The following CDH13 variants were observed in gnomAD, a reference collection of about 807,000 sequenced individuals.
CDH13 encodes the protein cadherin 13, also known as cadherin-13.
In CDH13, 24 loss-of-function variants were observed where a neutral mutation model predicts 63.8. That is an observed-to-expected ratio of 0.38 (90% CI 0.27 to 0.53). The LOEUF (loss-of-function observed/expected upper bound fraction) is 0.53. Ranked by LOEUF, CDH13 falls within the 20% of genes least tolerant of loss-of-function variation. The pLI is 0.85. For missense variants in CDH13, 1,049 were observed against 903.1 expected (o/e 1.16, Z -2.07); for synonymous variants, 503 against 355.3 (o/e 1.42, Z -4.67).
intron 5 of CDH13, among the ~76,000 whole-genome samples, chr16:83,293,345 G>A (rs1356176418): frequency 6.6e-6 from 1 of 152,108 alleles, no homozygotes; most frequent in East Asian, 1.9e-4. Flanking sequence ...GCCTTCTGGG[G>A]TCCTTGCTCT....
intron 6 of CDH13, among the ~76,000 whole-genome samples, chr16:83,433,293 T>G (rs1394011603): frequency 1.3e-5 from 2 of 152,224 alleles, no homozygotes; most frequent in Non-Finnish European, 2.9e-5. Flanking sequence ...TTTCCTCAAC[T>G]GTAAAATGAG....
At chr16:83,672,803 G>A (rs1446388961) in intron 9 of CDH13, among the ~76,000 whole-genome samples, 1 of 152,172 alleles carries the variant, frequency 6.6e-6, no homozygotes. Context: ...CAGGATATGT[G>A]ATGGAGATGT....
intron 3 of CDH13, among the ~76,000 whole-genome samples, chr16:83,082,884 C>T (rs1236195763): frequency 2.6e-5 from 4 of 152,268 alleles, no homozygotes; most frequent in Middle Eastern, 3.4e-3. Flanking sequence ...TGAATTCGCA[C>T]GTTTGTTTTT....
intron 10 of CDH13, among the ~76,000 whole-genome samples, chr16:83,699,815 C>G (rs973353733): frequency 6.6e-6 from 1 of 152,172 alleles, no homozygotes; most frequent in African/African-American, 2.4e-5. Flanking sequence ...GCATCCCATC[C>G]GTCTGTATTT....
At chr16:83,726,591 T>G (rs969699063) in intron 10 of CDH13, among the ~76,000 whole-genome samples, 1 of 152,112 alleles carries the variant, frequency 6.6e-6, no homozygotes, top group Admixed American at 6.5e-5. Flanking sequence ...ATCCCGGCCC[T>G]TTGGGAGGCC....
intron 8 of CDH13, among the ~76,000 whole-genome samples, chr16:83,659,435 C>G (rs974166407): frequency 6.6e-6 from 1 of 152,266 alleles, no homozygotes; most frequent in African/African-American, 2.4e-5. Flanking sequence ...GGTCCCAACA[C>G]AAGTTAGAAT....
At chr16:83,717,301 A>G (rs908780491) in intron 10 of CDH13, among the ~76,000 whole-genome samples, 1 of 152,032 alleles carries the variant, frequency 6.6e-6, no homozygotes, top group Non-Finnish European at 1.5e-5. Flanking sequence ...GAAGACTTGT[A>G]GTGATTGCTT....
intron 2 of CDH13, among the ~76,000 whole-genome samples, chr16:82,883,469 G>C (rs1260259940): frequency 6.6e-6 from 1 of 152,156 alleles, no homozygotes; most frequent in Non-Finnish European, 1.5e-5. Flanking sequence ...GATCAGGCTG[G>C]AACACAGGAA....
intron 1 of CDH13, among the ~76,000 whole-genome samples, chr16:82,683,001 G>C (rs990828659): frequency 1.3e-5 from 2 of 152,176 alleles, no homozygotes; most frequent in Non-Finnish European, 2.9e-5. Flanking sequence ...TCGGGTTCAA[G>C]TTCCAGCCCC....
intron 3 of CDH13, among the ~76,000 whole-genome samples, chr16:83,041,660 G>C (rs1050922403): frequency 4.6e-5 from 7 of 152,158 alleles, no homozygotes; most frequent in African/African-American, 1.7e-4. Flanking sequence ...ACATTCATGG[G>C]GATATTTAGC....
intron 3 of CDH13, among the ~76,000 whole-genome samples, chr16:83,070,979 T>A (rs1429764668): frequency 6.6e-6 from 1 of 151,562 alleles, no homozygotes; most frequent in African/African-American, 2.4e-5. Context: ...GAGGTCATGA[T>A]AGCACCGTCT....
chr16:83,743,748 C>CTTTTTTTTTTTTTTTTTTTTTT lies in CDH13; in HGVS notation c.1539-4341_1539-4340insTTTTTTTTTTTTTTTTTTTTTT, dbSNP rs67886035. Among the ~76,000 whole-genome samples the CTTTTTTTTTTTTTTTTTTTTTT allele has an allele frequency of 2.7e-3, 207 of 76,266 alleles. 28 individuals carry two copies. Among genetic ancestry groups the CTTTTTTTTTTTTTTTTTTTTTT allele is most frequent in the Middle Eastern group, 0.02 (1 of 50 alleles). The allele number at this position is 76,266 out of a possible 152,430, so 50.0% of individuals were successfully genotyped here. ...TGATGAGTTGCCTTTTTTCTTTTTT[C>CTTTTTTTTTTTTTTTTTTTTTT]TTTTTTTTTTTTTTTTTTTCTTTGC... On this transcript the variant is annotated intron_variant, in intron 10 of 13. Coordinates refer to ENST00000567109, the MANE Select transcript of CDH13 (RefSeq NM_001257.5).
intron 3 of CDH13, among the ~76,000 whole-genome samples, chr16:83,042,590 C>T (rs1917421211): frequency 6.6e-6 from 1 of 152,164 alleles, no homozygotes; most frequent in African/African-American, 2.4e-5. Flanking sequence ...GCACTTGAAT[C>T]ATCCCAAAAC....
intron 1 of CDH13, among the ~76,000 whole-genome samples, chr16:82,656,184 G>A (rs1327822461): frequency 1.3e-5 from 2 of 152,144 alleles, no homozygotes; most frequent in Non-Finnish European, 2.9e-5. Context: ...AAAGCTGGCA[G>A]TGTGGGAGTG....
At chr16:82,691,674 A>G (rs1396394710) in intron 1 of CDH13, among the ~76,000 whole-genome samples, 1 of 152,206 alleles carries the variant, frequency 6.6e-6, no homozygotes, top group Non-Finnish European at 1.5e-5. Context: ...AGGGATGGTG[A>G]CTTCCAGAAG....
Position 83,797,091 on chromosome 16 carries a change from G to T in CDH13, c.*2061G>T, listed in dbSNP as rs535483165. ...CTGGCTTTACAGGGCACTGTCACGC[G>T]TCTCCCGGGCGCACCTTGCTCCCCT... On this transcript the variant is annotated 3_prime_UTR_variant, in exon 14 of 14. Coordinates refer to ENST00000567109, the MANE Select transcript of CDH13 (RefSeq NM_001257.5). The T allele has an allele frequency of 1.0e-3, 159 of 152,336 alleles. No individual in the cohort carries two copies. Among genetic ancestry groups the T allele is most frequent in the African/African-American group, 3.6e-3 (151 of 41,554 alleles). The allele number at this position is 152,336 out of a possible 1,614,324, so 9.4% of individuals were successfully genotyped here. A position where few individuals can be genotyped will look rare whatever the true frequency, so the allele number is the denominator to read the frequency against.
intron 6 of CDH13, among the ~76,000 whole-genome samples, chr16:83,410,857 A>G (rs540946332): frequency 2.6e-5 from 4 of 152,324 alleles, no homozygotes; most frequent in African/African-American, 9.6e-5. Context: ...AAATTTAGTC[A>G]TCCAAATCAC....
At chr16:83,636,063 T>G (rs1260872943) in intron 8 of CDH13, among the ~76,000 whole-genome samples, 1 of 151,286 alleles carries the variant, frequency 6.6e-6, no homozygotes, top group Non-Finnish European at 1.5e-5. Flanking sequence ...GAAATAGCTA[T>G]CCTTCTTCCA....
chr16:82,820,678 G>A, intron 1 of CDH13, among the ~76,000 whole-genome samples: 1 of 152,094 alleles, frequency 6.6e-6, no homozygotes, highest in Admixed American at 6.6e-5. Flanking sequence ...ACATAGACAG[G>A]GTTCCTCCCC....
Sources: allele counts gnomAD v4.1 joint callset (sites outside exome capture counted in the v4.1 genomes callset), GRCh38; gene constraint gnomAD v4.1.1; transcripts MANE v1.5; gene names NCBI Gene and HGNC (gene_info 2026-07-23, HGNC 2026-07-21).